BRWD3: variants seen among roughly 807,000 people sequenced by gnomAD.
The protein encoded by BRWD3 is bromodomain and WD repeat-containing protein 3.
BRWD3 carries 10 observed loss-of-function variants against 149.7 expected under a neutral mutation model. That is an observed-to-expected ratio of 0.07 (90% CI 0.04 to 0.11). BRWD3 has a LOEUF of 0.11. Among genes scored for constraint, BRWD3 ranks in the 10% least tolerant of loss-of-function variants. The pLI is 1.00. For synonymous variants in BRWD3, 504 were observed against 456.7 expected (o/e 1.10, Z -1.32); for missense variants, 940 against 1,373.2 (o/e 0.68, Z 4.99).
intron 40 of BRWD3, among the ~76,000 whole-genome samples, chrX:80,680,969 CT>C (rs904634410): frequency 1.0e-3 from 75 of 74,759 alleles, no homozygotes; most frequent in Middle Eastern, 9.1e-3. Context: ...CATGTGGCTA[CT>C]TTTTTTTTTT....
intron 14 of BRWD3, among the ~76,000 whole-genome samples, chrX:80,726,407 A>G (rs1373421066): frequency 3.6e-5 from 4 of 110,526 alleles, no homozygotes; most frequent in African/African-American, 1.3e-4. Context: ...TACATATGTT[A>G]TATGTTTATA....
At chrX:80,725,862 T>G (rs2073218452) in intron 14 of BRWD3, among the ~76,000 whole-genome samples, 1 of 108,222 alleles carries the variant, frequency 9.2e-6, no homozygotes, top group African/African-American at 3.4e-5. Context: ...CTATATAACA[T>G]AACATGTTTA....
chrX:80,782,042 T>A (rs965149963), intron 6 of BRWD3, among the ~76,000 whole-genome samples: 1 of 111,503 alleles, frequency 9.0e-6, no homozygotes, highest in African/African-American at 3.3e-5. Flanking sequence ...AGACCCAGAA[T>A]AGATGACACC....
At chrX:80,789,883 C>G (rs2074160420) in intron 6 of BRWD3, among the ~76,000 whole-genome samples, 1 of 104,663 alleles carries the variant, frequency 9.6e-6, no homozygotes, top group African/African-American at 3.5e-5. Flanking sequence ...ACAGAACTTT[C>G]AAGAGGATAT....
chrX:80,688,041 C>A, intron 34 of BRWD3, 28 bp downstream of exon 34: 1 of 1,133,833 alleles, frequency 8.8e-7, no homozygotes, highest in African/African-American at 1.8e-5. Context: ...GAAAACATAT[C>A]TCCTCAGCAG....
At chrX:80,715,977 G>C (rs1428569346) in intron 20 of BRWD3, among the ~76,000 whole-genome samples, 180 bp downstream of exon 20, 1 of 111,820 alleles carries the variant, frequency 8.9e-6, no homozygotes, top group Non-Finnish European at 1.9e-5. Flanking sequence ...CACTCGACTT[G>C]TGACTTTGTT....
chrX:80,725,725 T>C (rs747736085), intron 14 of BRWD3, among the ~76,000 whole-genome samples: 1 of 111,273 alleles, frequency 9.0e-6, no homozygotes, highest in African/African-American at 3.2e-5. Flanking sequence ...ATATAACATG[T>C]TTACATGTGT....
intron 5 of BRWD3, 48 bp from the exon 6 acceptor site, chrX:80,792,000 T>A: frequency 1.2e-6 from 1 of 820,745 alleles, no homozygotes; most frequent in Non-Finnish European, 1.8e-6. Flanking sequence ...AGTTTTTTTT[T>A]TAACCATGTC....
At chrX:80,720,959 G>A (rs758350654) in intron 17 of BRWD3, among the ~76,000 whole-genome samples, 2 of 112,095 alleles carry the variant, frequency 1.8e-5, no homozygotes, top group Non-Finnish European at 3.8e-5. Flanking sequence ...AACTAGCTAT[G>A]CCATATAAGA....
At chrX:80,699,183 C>A in intron 25 of BRWD3, among the ~76,000 whole-genome samples, 1 of 110,660 alleles carries the variant, frequency 9.0e-6, no homozygotes, top group East Asian at 2.8e-4. Context: ...CCACTGCACT[C>A]CAGCCTGGGC....
intron 14 of BRWD3, 110 bp downstream of exon 14, chrX:80,728,642 C>G: frequency 1.6e-6 from 1 of 643,408 alleles, no homozygotes. Flanking sequence ...ATCATTTTTC[C>G]AAGGACTAGT....
At chrX:80,802,397 G>GCA (rs1190421263) in intron 4 of BRWD3, among the ~76,000 whole-genome samples, 1 of 91,620 alleles carries the variant, frequency 1.1e-5, no homozygotes, top group East Asian at 3.5e-4. Context: ...AGCCAAGATC[G>GCA]CACCACTGCA....
At chrX:80,688,642 T>C (rs2072567549) in intron 33 of BRWD3, among the ~76,000 whole-genome samples, 2 of 110,609 alleles carry the variant, frequency 1.8e-5, no homozygotes, top group South Asian at 7.5e-4. Context: ...AAACACTGGG[T>C]AATATGTAGT....
intron 6 of BRWD3, among the ~76,000 whole-genome samples, chrX:80,747,867 T>C (rs1277053401): frequency 8.9e-6 from 1 of 112,149 alleles, no homozygotes; most frequent in African/African-American, 3.2e-5. Context: ...TAAGATCATG[T>C]CATCAGAAAA....
chrX:80,690,933 G>T (rs2072602722), intron 31 of BRWD3, 120 bp downstream of exon 31: 3 of 855,752 alleles, frequency 3.5e-6, no homozygotes, highest in Non-Finnish European at 1.6e-6. Flanking sequence ...ATTTTTAAAG[G>T]AAATTTTGGT....
Position 80,728,911 on chromosome X carries a change from C to G in BRWD3, c.1233-6G>C. On this transcript the variant is annotated splice_polypyrimidine_tract_variant and splice_region_variant and intron_variant, in intron 13 of 40. Coordinates refer to ENST00000373275, the MANE Select transcript of BRWD3 (RefSeq NM_153252.5). ...CTCCAGATGGCAAATTATTGCTAAA[C>G]AAAACAATTTGCAGTATTCATATCT... is the stretch of plus-strand genomic sequence containing the variant. 1 of 1,203,713 alleles carries G rather than the reference C, an allele frequency of 8.3e-7. No homozygotes were observed. Among genetic ancestry groups the G allele is most frequent in the Non-Finnish European group, 1.1e-6 (1 of 888,866 alleles).
At position 80,682,376 on chromosome X, in the gene BRWD3, C is replaced by T; in HGVS notation, c.4397+89G>A. 3 of 1,029,427 alleles carry T rather than the reference C, an allele frequency of 2.9e-6. No individual in the cohort carries two copies. The Admixed American group carries it at 6.6e-5, about 23-fold the overall frequency. 84.8% of individuals were successfully genotyped at this position (1,029,427 alleles called of 1,213,427 possible). On this transcript the variant is annotated intron_variant, in intron 38 of 40. Coordinates refer to ENST00000373275, the MANE Select transcript of BRWD3 (RefSeq NM_153252.5). ...CAAACAAAAAAAGACCTCTTGGGAT[C>T]TCCCCAAATTATTCATAAACTTTCA...
At chrX:80,779,375 G>C (rs768507350) in intron 6 of BRWD3, among the ~76,000 whole-genome samples, 2 of 110,591 alleles carry the variant, frequency 1.8e-5, no homozygotes, top group East Asian at 5.7e-4. Context: ...AGTGTAGTAA[G>C]CATATTAGTT....
intron 8 of BRWD3, among the ~76,000 whole-genome samples, chrX:80,742,821 T>C (rs1477051957): frequency 5.4e-5 from 6 of 111,683 alleles, no homozygotes; most frequent in African/African-American, 1.3e-4. Context: ...TTTCTAAATA[T>C]ACAATCATGT....
Sources: gnomAD v4.1 joint callset for allele counts (sites outside exome capture counted in the v4.1 genomes callset) on GRCh38, gnomAD v4.1.1 for gene constraint, MANE v1.5 for transcripts, NCBI Gene and HGNC (gene_info 2026-07-23, HGNC 2026-07-21) for gene names.